Variants in NSMCE2 observed in about 807,000 individuals in gnomAD.
The protein encoded by NSMCE2 is E3 SUMO-protein ligase NSE2.
Under a neutral mutation model 23.8 loss-of-function variants are expected in NSMCE2, and 24 were observed. The ratio of observed to expected loss-of-function variants is 1.01; its 90% CI spans 0.73 to 1.42. The LOEUF (loss-of-function observed/expected upper bound fraction) is 1.42, where lower values mean the gene tolerates loss of function less well. Ranked by LOEUF, NSMCE2 falls within the 40% of genes most tolerant of loss-of-function variation. The probability of loss-of-function intolerance (pLI) is 0.00; values close to 1 mark genes in which losing one functional copy is unlikely to be tolerated. For missense variants in NSMCE2, 284 were observed against 296.5 expected (o/e 0.96, Z 0.31); for synonymous variants, 92 against 94.1 (o/e 0.98, Z 0.13).
chr8:125,098,825 G>A (rs1290882199), intron 1 of NSMCE2, among the ~76,000 whole-genome samples: 1 of 152,044 alleles, frequency 6.6e-6, no homozygotes, highest in Non-Finnish European at 1.5e-5. Flanking sequence ...GAAGGAATGT[G>A]GGCCTTCCAT....
chr8:125,299,513 C>G (rs1259785267), intron 5 of NSMCE2, among the ~76,000 whole-genome samples: 1 of 152,144 alleles, frequency 6.6e-6, no homozygotes, highest in East Asian at 1.9e-4. Flanking sequence ...AACTCACTCA[C>G]TATGATAGGA....
At position 125,285,805 on chromosome 8, in the gene NSMCE2, A is replaced by G. The variant is rs1172315738; in HGVS notation, c.419-71414A>G. On this transcript the variant is annotated intron_variant, in intron 5 of 7. Coordinates refer to ENST00000287437, the MANE Select transcript of NSMCE2 (RefSeq NM_173685.4). ...AAAGCTATACACACAGTTGTATTTA[A>G]TCGTTACAGCATTCCAAGGGTACAT... 5.9e-5 allele frequency among the ~76,000 whole-genome samples: 9 copies of G among 151,912 alleles called. No individual in the cohort carries two copies. In the South Asian group the frequency reaches 1.9e-3, roughly 32 times the overall value.
At chr8:125,222,018 TTTTC>T (rs757012574) in intron 5 of NSMCE2, among the ~76,000 whole-genome samples, 16 of 152,126 alleles carry the variant, frequency 1.1e-4, no homozygotes, top group East Asian at 1.9e-4. Flanking sequence ...GGCCTGGAAG[TTTTC>T]TTTCTTTCTT....
At chr8:125,228,031 G>A (rs1035448758) in intron 5 of NSMCE2, among the ~76,000 whole-genome samples, 3 of 152,104 alleles carry the variant, frequency 2.0e-5, no homozygotes, top group African/African-American at 4.8e-5. Flanking sequence ...TCAGTGGATA[G>A]CAGTTGATAT....
chr8:125,236,531 A>G (rs570491998), intron 5 of NSMCE2, among the ~76,000 whole-genome samples: 20 of 152,240 alleles, frequency 1.3e-4, no homozygotes, highest in African/African-American at 4.3e-4. Flanking sequence ...AAATGTTTGC[A>G]TATGTGTGTT....
intron 5 of NSMCE2, among the ~76,000 whole-genome samples, chr8:125,276,667 G>A (rs1338698481): frequency 6.6e-6 from 1 of 152,198 alleles, no homozygotes; most frequent in Non-Finnish European, 1.5e-5. Flanking sequence ...GAAGGAGAAA[G>A]GGAAGGAATG....
At chr8:125,340,736 C>G (rs1830217733) in intron 5 of NSMCE2, among the ~76,000 whole-genome samples, 5 of 152,172 alleles carry the variant, frequency 3.3e-5, no homozygotes, top group Admixed American at 3.3e-4. Context: ...TAAATAATTG[C>G]TAGCTCATTT....
At chr8:125,314,710 T>G (rs751111696) in intron 5 of NSMCE2, among the ~76,000 whole-genome samples, 17 of 152,254 alleles carry the variant, frequency 1.1e-4, no homozygotes, top group Non-Finnish European at 1.8e-4. Context: ...CCAGTAGCTT[T>G]CTTTCTTGAT....
chr8:125,154,154 C>G (rs994184335), intron 4 of NSMCE2, among the ~76,000 whole-genome samples: 1 of 152,148 alleles, frequency 6.6e-6, no homozygotes, highest in Non-Finnish European at 1.5e-5. Flanking sequence ...TGCCTAGATT[C>G]AAATCTACCC....
intron 4 of NSMCE2, among the ~76,000 whole-genome samples, chr8:125,180,205 A>G (rs890303210): frequency 6.6e-6 from 1 of 152,208 alleles, no homozygotes; most frequent in African/African-American, 2.4e-5. Flanking sequence ...ATAAGGCACT[A>G]TTATATTGCC....
At chr8:125,227,942 T>A (rs1825170856) in intron 5 of NSMCE2, among the ~76,000 whole-genome samples, 1 of 152,184 alleles carries the variant, frequency 6.6e-6, no homozygotes, top group Non-Finnish European at 1.5e-5. Flanking sequence ...TTTCTAATAT[T>A]TCATGTTATG....
At chr8:125,183,729 G>C (rs1028912518) in intron 5 of NSMCE2, among the ~76,000 whole-genome samples, 4 of 151,838 alleles carry the variant, frequency 2.6e-5, no homozygotes, top group Non-Finnish European at 5.9e-5. Context: ...TTGGGATGTA[G>C]AGATTAAACA....
In NSMCE2 at chr8:125,260,457, G is replaced by A. The variant is rs1826639810; in HGVS notation, c.418+78201G>A. Among the ~76,000 whole-genome samples, 3 of 151,172 alleles carry A rather than the reference G, an allele frequency of 2.0e-5. No individual in the cohort carries two copies. The Admixed American group carries it at 2.0e-4, about 10-fold the overall frequency. On this transcript the variant is annotated intron_variant, in intron 5 of 7. Transcript: ENST00000287437. ...CTCTATACTTTCGTGTGTGGTAGTT[G>A]CTTTCCCCACTAGATCTGGGTTCTA...
At chr8:125,263,999 A>G (rs139294286) in intron 5 of NSMCE2, among the ~76,000 whole-genome samples, 106 of 152,318 alleles carry the variant, frequency 7.0e-4, no homozygotes, top group African/African-American at 2.5e-3. Flanking sequence ...TCTCAGATAG[A>G]TGGCTCCTTG....
At chr8:125,099,608 A>G (rs1353800920) in intron 1 of NSMCE2, among the ~76,000 whole-genome samples, 1 of 152,160 alleles carries the variant, frequency 6.6e-6, no homozygotes, top group South Asian at 2.1e-4. Context: ...ACTGTGTTGC[A>G]TACTGCTGGC....
At chr8:125,110,205 A>C (rs1227629929) in intron 3 of NSMCE2, among the ~76,000 whole-genome samples, 3 of 152,168 alleles carry the variant, frequency 2.0e-5, no homozygotes, top group African/African-American at 7.2e-5. Flanking sequence ...AATGGGCTTC[A>C]GAGGTTTGGT....
At chr8:125,256,864 A>G (rs1826443278) in intron 5 of NSMCE2, among the ~76,000 whole-genome samples, 1 of 128,192 alleles carries the variant, frequency 7.8e-6, no homozygotes, top group Admixed American at 9.5e-5. Flanking sequence ...AAGTGGTTGC[A>G]GTGAGTCGAG....
chr8:125,140,644 A>C (rs1820320724), intron 3 of NSMCE2, among the ~76,000 whole-genome samples: 2 of 151,820 alleles, frequency 1.3e-5, no homozygotes, highest in Non-Finnish European at 2.9e-5. Context: ...GTGAGACTCC[A>C]TCTCAAAAAA....
chr8:125,357,867 T>C (rs928747061), intron 7 of NSMCE2, 49 bp downstream of exon 7: 1 of 1,322,238 alleles, frequency 7.6e-7, no homozygotes, highest in East Asian at 2.3e-5. Context: ...TGGTAGTTAC[T>C]CAGAGGTGGC....
Sources: gnomAD v4.1 joint callset for allele counts (sites outside exome capture counted in the v4.1 genomes callset) on GRCh38, gnomAD v4.1.1 for gene constraint, MANE v1.5 for transcripts, NCBI Gene and HGNC (gene_info 2026-07-23, HGNC 2026-07-21) for gene names.